RYR2: variants seen among roughly 807,000 people sequenced by gnomAD.
RYR2 encodes cardiac muscle ryanodine receptor-calcium release channel.
RYR2 carries 227 observed loss-of-function variants against 601.1 expected under a neutral mutation model. The observed-to-expected ratio is 0.38, with a 90% CI of 0.34 to 0.42. RYR2 has a LOEUF of 0.42. RYR2 is among the 10% of genes least tolerant of loss of function. RYR2 has a pLI of 1.00. For missense variants in RYR2, 4,646 were observed against 6,156.5 expected, an observed-to-expected ratio of 0.75 and a Z score of 8.21; for synonymous variants, 2,223 against 2,175.1, an observed-to-expected ratio of 1.02 and a Z score of -0.61.
intron 1 of RYR2, among the ~76,000 whole-genome samples, chr1:237,144,553 T>G (rs1192648740): frequency 2.6e-5 from 4 of 152,232 alleles, no homozygotes; most frequent in African/African-American, 9.6e-5. Context: ...AAACATCATT[T>G]AGCTTTTAAA....
At chr1:237,530,712 C>T (rs1668058170) in intron 25 of RYR2, among the ~76,000 whole-genome samples, 2 of 152,210 alleles carry the variant, frequency 1.3e-5, no homozygotes, top group South Asian at 4.1e-4. Flanking sequence ...GAGTTCAAGA[C>T]CAGCCTGGCC....
At chr1:237,132,334 C>T (rs1160523285) in intron 1 of RYR2, among the ~76,000 whole-genome samples, 1 of 152,182 alleles carries the variant, frequency 6.6e-6, no homozygotes, top group Non-Finnish European at 1.5e-5. Flanking sequence ...TAGGTGGTTG[C>T]AGTCCTGGAT....
chr1:237,419,063 A>G (rs572348834), intron 11 of RYR2, among the ~76,000 whole-genome samples: 215 of 152,186 alleles, frequency 1.4e-3, no homozygotes, highest in African/African-American at 4.7e-3. Flanking sequence ...ATTGTGTATT[A>G]TAAAAATGAA....
chr1:237,482,109 G>C (rs1009762093), intron 17 of RYR2, among the ~76,000 whole-genome samples: 14 of 152,106 alleles, frequency 9.2e-5, no homozygotes, highest in African/African-American at 2.7e-4. Flanking sequence ...TTTGATACAG[G>C]CATGCAATGT....
At chr1:237,581,271 T>C (rs1461650587) in intron 29 of RYR2, among the ~76,000 whole-genome samples, 2 of 152,198 alleles carry the variant, frequency 1.3e-5, no homozygotes, top group African/African-American at 4.8e-5. Context: ...TCTCAGCTAT[T>C]CTGCAAGTAA....
intron 17 of RYR2, among the ~76,000 whole-genome samples, chr1:237,485,614 GCAA>G (rs1662596780): frequency 6.6e-6 from 1 of 152,196 alleles, no homozygotes; most frequent in Non-Finnish European, 1.5e-5. Flanking sequence ...AATAACATCA[GCAA>G]AGGATTGAAG....
chr1:237,452,871 T>G (rs984396403), intron 14 of RYR2, among the ~76,000 whole-genome samples: 19 of 151,896 alleles, frequency 1.3e-4, no homozygotes, highest in African/African-American at 4.1e-4. Context: ...AATTAATAAT[T>G]TTAGAAGTTT....
At chr1:237,606,988 A>G (rs947231182) in intron 35 of RYR2, among the ~76,000 whole-genome samples, 2 of 152,250 alleles carry the variant, frequency 1.3e-5, no homozygotes, top group Non-Finnish European at 2.9e-5. Context: ...ACTGTAAACT[A>G]GTTCAACCAT....
chr1:237,344,366 A>G lies in RYR2; in HGVS notation c.274-11599A>G, dbSNP rs560282795. Among the ~76,000 whole-genome samples the G allele has an allele frequency of 5.6e-4, 86 of 152,336 alleles. 2 individuals carry two copies. In the South Asian group the frequency reaches 0.018, roughly 32 times the overall value. On this transcript the variant is annotated intron_variant, in intron 3 of 104. Coordinates refer to ENST00000366574, the MANE Select transcript of RYR2 (RefSeq NM_001035.3). ...GACCTCAGTTCTTACAAAGGAATCT[A>G]AAACTGTAACCTTTCTTTATTTCTG...
chr1:237,183,055 T>C (rs1326429110), intron 1 of RYR2, among the ~76,000 whole-genome samples: 1 of 152,156 alleles, frequency 6.6e-6, no homozygotes, highest in African/African-American at 2.4e-5. Context: ...GAGTCTCTGC[T>C]CTTTGCCAAC....
chr1:237,121,111 G>C (rs1176224019), intron 1 of RYR2: 1 of 152,268 alleles, frequency 6.6e-6, no homozygotes, highest in Non-Finnish European at 1.5e-5. Flanking sequence ...GTTTCAGGTG[G>C]TGTTTAGAAG....
intron 88 of RYR2, 25 bp downstream of exon 88, chr1:237,778,795 T>TC: frequency 8.4e-7 from 1 of 1,188,466 alleles, no homozygotes; most frequent in Non-Finnish European, 1.3e-6. Flanking sequence ...TGCCTTCCTC[T>TC]CTCTTAAATG....
At chr1:237,291,218 A>G (rs962626137) in intron 2 of RYR2, among the ~76,000 whole-genome samples, 9 of 152,000 alleles carry the variant, frequency 5.9e-5, no homozygotes, top group African/African-American at 2.2e-4. Context: ...ATTTTTTGTA[A>G]TGGCAAAAAC....
chr1:237,232,860 C>G (rs983175355), intron 1 of RYR2, among the ~76,000 whole-genome samples: 3 of 152,052 alleles, frequency 2.0e-5, no homozygotes, highest in Non-Finnish European at 4.4e-5. Flanking sequence ...CAGAAGTCTT[C>G]TGTGTTAATG....
chr1:237,528,548 G>A (rs1429235534), intron 24 of RYR2, among the ~76,000 whole-genome samples: 1 of 152,130 alleles, frequency 6.6e-6, no homozygotes, highest in African/African-American at 2.4e-5. Flanking sequence ...TATGTTCACT[G>A]TCCGTGTGAG....
rs572154759 is a variant in RYR2 at position 237,595,416 on chromosome 1, A to C, written c.4437-82A>C. 1.2e-5 allele frequency: 18 copies of C among 1,509,964 alleles called. No individual in the cohort carries two copies. The Admixed American group carries it at 3.9e-4, about 32-fold the overall frequency. 93.5% of individuals were successfully genotyped at this position (1,509,964 alleles called of 1,614,324 possible). A position where few individuals can be genotyped will look rare whatever the true frequency, so the allele number is the denominator to read the frequency against. On this transcript the variant is annotated intron_variant, in intron 33 of 104. Transcript: ENST00000366574. ...CATGAGCTTGTTGCTTGCGCAGCAT[A>C]ATTTAGTTAGTTTGCAAGATATACC...
rs1192442371 is a variant in RYR2, at chr1:237,329,594, A to G, written c.169-1284A>G. ...GAGGTGTAGGTTGCAGTGAGCCGAG[A>G]TCGCACCATCGCACTCCACCCTGGG... On this transcript the variant is annotated intron_variant, in intron 2 of 104. Transcript: ENST00000366574. Among the ~76,000 whole-genome samples, 3 of 151,708 alleles carry G rather than the reference A, an allele frequency of 2.0e-5. No homozygotes were observed. The East Asian group carries it at 5.8e-4, about 29-fold the overall frequency.
chr1:237,469,047 A>G, intron 16 of RYR2, 45 bp from the exon 17 acceptor site: 1 of 1,519,424 alleles, frequency 6.6e-7, no homozygotes, highest in Non-Finnish European at 9.1e-7. Flanking sequence ...TCAATTTTCG[A>G]GCTAGAAAAT....
chr1:237,715,253 G>A (rs967927589), intron 71 of RYR2, among the ~76,000 whole-genome samples: 2 of 152,318 alleles, frequency 1.3e-5, no homozygotes, highest in African/African-American at 4.8e-5. Context: ...GACAAAACAG[G>A]TTTGGCAGCT....
Sources: allele counts gnomAD v4.1 joint callset (sites outside exome capture counted in the v4.1 genomes callset), GRCh38; gene constraint gnomAD v4.1.1; transcripts MANE v1.5; gene names NCBI Gene and HGNC (gene_info 2026-07-23, HGNC 2026-07-21).